Variants in SLC35A1 observed in about 807,000 individuals in gnomAD.
The protein encoded by SLC35A1 is solute carrier family 35 member A1.
SLC35A1 carries 21 observed loss-of-function variants against 40.3 expected under a neutral mutation model. The observed-to-expected ratio is 0.52, with a 90% CI of 0.37 to 0.75. SLC35A1 has a LOEUF of 0.75. SLC35A1 is among the 30% of genes least tolerant of loss of function. SLC35A1 has a pLI of 0.00. For missense variants in SLC35A1, 297 were observed against 382.1 expected (o/e 0.78, Z 1.86); for synonymous variants, 146 against 147.3 (o/e 0.99, Z 0.06).
chr6:87,476,842 A>G (rs527407518), intron 1 of SLC35A1, among the ~76,000 whole-genome samples: 79 of 152,258 alleles, frequency 5.2e-4, no homozygotes, highest in Non-Finnish European at 9.3e-4. Flanking sequence ...CCTGGCCAAC[A>G]TGGGGAAACC....
At chr6:87,478,913 GTGGCC>G in intron 2 of SLC35A1, among the ~76,000 whole-genome samples, 1 of 152,254 alleles carries the variant, frequency 6.6e-6, no homozygotes, top group Admixed American at 6.5e-5. Context: ...CCTTATGCAC[GTGGCC>G]TCTATGGCTC....
intron 4 of SLC35A1, among the ~76,000 whole-genome samples, chr6:87,501,948 A>G (rs1319786685): frequency 6.6e-6 from 1 of 151,450 alleles, no homozygotes; most frequent in Non-Finnish European, 1.5e-5. Flanking sequence ...TTATTTCCCC[A>G]AAGAGAAACA....
Position 87,511,590 on chromosome 6 carries a change from C to A in SLC35A1, c.*64C>A. 1 of 1,543,256 alleles carries A rather than the reference C, an allele frequency of 6.5e-7. No homozygotes were observed. Among genetic ancestry groups the A allele is most frequent in the South Asian group, 1.1e-5 (1 of 89,298 alleles). ...TTTGCATTAAACTAGAGCCTTAAGT[C>A]AATCTCAGAAGGTAGCATAAACAAA... On this transcript the variant is annotated 3_prime_UTR_variant, in exon 8 of 8. Transcript: ENST00000369552.
At chr6:87,477,828 C>T (rs186384546) in intron 2 of SLC35A1, among the ~76,000 whole-genome samples, 15 of 152,154 alleles carry the variant, frequency 9.9e-5, no homozygotes, top group Non-Finnish European at 1.3e-4. Context: ...GGTTGAAGAA[C>T]GCTGCTGTAG....
At chr6:87,484,999 A>G (rs905305652) in intron 2 of SLC35A1, among the ~76,000 whole-genome samples, 5 of 152,192 alleles carry the variant, frequency 3.3e-5, no homozygotes, top group South Asian at 2.1e-4. Context: ...AAAAAGTAAA[A>G]TATTTTCCAG....
chr6:87,500,749 A>T (rs1012944675), intron 3 of SLC35A1, 82 bp downstream of exon 3: 121 of 1,111,256 alleles, frequency 1.1e-4, no homozygotes, highest in African/African-American at 8.4e-4. Context: ...CATATTATCA[A>T]TTTTTTTTTT....
chr6:87,506,114 T>C (rs1770073107), intron 4 of SLC35A1, among the ~76,000 whole-genome samples: 3 of 152,198 alleles, frequency 2.0e-5, no homozygotes, highest in Non-Finnish European at 4.4e-5. Context: ...AGAGTGCTTA[T>C]TGGTATTAGG....
intron 4 of SLC35A1, among the ~76,000 whole-genome samples, chr6:87,503,001 CTTGAG>C (rs780758525): frequency 4.6e-5 from 7 of 152,248 alleles, no homozygotes; most frequent in Admixed American, 2.0e-4. Context: ...TGCTCAGCCC[CTTGAG>C]TTATTTCCAG....
intron 2 of SLC35A1, among the ~76,000 whole-genome samples, chr6:87,491,864 C>T (rs1407089963): frequency 6.6e-6 from 1 of 152,176 alleles, no homozygotes; most frequent in Non-Finnish European, 1.5e-5. Flanking sequence ...GAGGACTCTA[C>T]CCTCATCACC....
chr6:87,486,317 G>A (rs1013119549), intron 2 of SLC35A1, among the ~76,000 whole-genome samples: 1 of 152,130 alleles, frequency 6.6e-6, no homozygotes. Flanking sequence ...ACATACCACT[G>A]CCATATTCAA....
intron 1 of SLC35A1, among the ~76,000 whole-genome samples, chr6:87,475,328 G>A (rs1320446486): frequency 2.6e-5 from 4 of 152,204 alleles, no homozygotes; most frequent in African/African-American, 9.7e-5. Flanking sequence ...GACATATATA[G>A]TTTGTTCACC....
chr6:87,474,381 A>C (rs576343304), intron 1 of SLC35A1, among the ~76,000 whole-genome samples: 1 of 152,346 alleles, frequency 6.6e-6, no homozygotes, highest in African/African-American at 2.4e-5. Context: ...CCGAAAAAAA[A>C]CATTTTAAAC....
In SLC35A1 at chr6:87,512,231, TTAAA is replaced by T. The variant is rs1242715574; in HGVS notation, c.*710_*713del. On this transcript the variant is annotated 3_prime_UTR_variant, in exon 8 of 8. Coordinates refer to ENST00000369552, the MANE Select transcript of SLC35A1 (RefSeq NM_006416.5). ...TTTCTAATGTCACTTTTGTACTTTT[TTAAA>T]TAAAGTATGTTTAACTGTTGGGCTC... 6.5e-6 allele frequency: 1 copy of T among 152,770 alleles called. No individual in the cohort carries two copies. Among genetic ancestry groups the T allele is most frequent in the East Asian group, 1.9e-4 (1 of 5,202 alleles). 9.5% of individuals were successfully genotyped at this position (152,770 alleles called of 1,614,324 possible). A position where few individuals can be genotyped will look rare whatever the true frequency, so the allele number is the denominator to read the frequency against.
intron 2 of SLC35A1, chr6:87,488,218 A>AC (rs1362571021): frequency 2.6e-5 from 4 of 152,156 alleles, no homozygotes; most frequent in African/African-American, 4.8e-5. Context: ...GGGAGTTCTT[A>AC]TCACATAAAA....
chr6:87,504,146 C>G (rs1314408642), intron 4 of SLC35A1, among the ~76,000 whole-genome samples: 1 of 151,674 alleles, frequency 6.6e-6, no homozygotes, highest in Non-Finnish European at 1.5e-5. Flanking sequence ...TAAAACTTAG[C>G]TAGATGTGGT....
At chr6:87,482,670 G>A (rs767069386) in intron 2 of SLC35A1, among the ~76,000 whole-genome samples, 4 of 152,182 alleles carry the variant, frequency 2.6e-5, no homozygotes, top group Admixed American at 1.3e-4. Context: ...TTCCTTCTAG[G>A]TCTGGTCGGA....
In SLC35A1 at chr6:87,511,915, TC is replaced by T. The variant is rs1194882156; in HGVS notation, c.*391del. On this transcript the variant is annotated 3_prime_UTR_variant, in exon 8 of 8. Coordinates refer to ENST00000369552, the MANE Select transcript of SLC35A1 (RefSeq NM_006416.5). Reference sequence around the variant, plus strand: ...ATTTCTGTACTAACTGTTCTCTTGTTCCGGTACCGGGGAGAAGGATGACCCC... The same window carrying T: ...ATTTCTGTACTAACTGTTCTCTTGTTCGGTACCGGGGAGAAGGATGACCCC... The T allele has an allele frequency of 3.7e-6, 1 of 273,320 alleles. No individual in the cohort carries two copies. The highest frequency in any genetic ancestry group is 9.1e-5 in the East Asian group (1 of 10,950). The allele number at this position is 273,320 out of a possible 1,614,324, so 16.9% of individuals were successfully genotyped here. A position where few individuals can be genotyped will look rare whatever the true frequency, so the allele number is the denominator to read the frequency against.
chr6:87,501,232 A>G lies in SLC35A1; in HGVS notation c.429A>G (p.Leu143=), dbSNP rs1057523952. The change falls in exon 4 of 8, where the codon TTA becomes TTG. Residue 143 remains leucine, a synonymous_variant. Transcript: ENST00000369552. ...VLMLNRTLSK[L]QWVSVFMLCA... ...TGTTAAACCGGACACTCAGCAAATT[A>G]CAGTGGGTTTCAGTTTTTATGCTGT... 6.2e-7 allele frequency: 1 copy of G among 1,613,992 alleles called. No individual in the cohort carries two copies. Among genetic ancestry groups the G allele is most frequent in the African/African-American group, 1.3e-5 (1 of 74,908 alleles).
At chr6:87,505,497 T>C (rs72922526) in intron 4 of SLC35A1, among the ~76,000 whole-genome samples, 16,813 of 152,242 alleles carry the variant, frequency 0.11, 972 homozygotes, top group East Asian at 0.15. Flanking sequence ...TGTAATCTTC[T>C]TTATTCATTT....
Sources: allele counts gnomAD v4.1 joint callset (sites outside exome capture counted in the v4.1 genomes callset), GRCh38; gene constraint gnomAD v4.1.1; transcripts MANE v1.5; gene names NCBI Gene and HGNC (gene_info 2026-07-23, HGNC 2026-07-21).